Variants in SMAD6 observed in about 807,000 individuals in gnomAD.
The protein encoded by SMAD6 is SMAD family member 6, also known as MAD homolog 6.
In SMAD6, 103 loss-of-function variants were observed where a neutral mutation model predicts 39.4. The observed-to-expected ratio is 2.62, with a 90% confidence interval of 2.23 to 3.08. SMAD6 has a LOEUF of 3.08. Ranked by LOEUF, SMAD6 falls within the 30% of genes most tolerant of loss-of-function variation. The pLI is 0.00. For synonymous variants in SMAD6, 445 were observed against 353.3 expected (o/e 1.26, Z -2.91); for missense variants, 1,104 against 742.9 (o/e 1.49, Z -5.65).
chr15:66,709,349 A>G (rs940449121), intron 1 of SMAD6, among the ~76,000 whole-genome samples: 1 of 152,208 alleles, frequency 6.6e-6, no homozygotes, highest in Admixed American at 6.5e-5. Flanking sequence ...ATCTCACAAC[A>G]TTGGAACTCC....
In SMAD6 at chr15:66,751,497, C is replaced by T. The variant is rs527570182; in HGVS notation, c.953-29500C>T. Among the ~76,000 whole-genome samples the T allele has an allele frequency of 2.0e-5, 3 of 152,348 alleles. No individual in the cohort carries two copies. The East Asian group carries it at 5.8e-4, about 29-fold the overall frequency. The stretch of plus-strand genomic sequence containing the variant: ...CTGTGAGGTGGCACGCTGGGTGGGT[C>T]TATTGCTGCCTCTTCCACAATGGGA... On this transcript the variant is annotated intron_variant, in intron 3 of 3. Transcript: ENST00000288840.
At chr15:66,762,590 G>T (rs1894219608) in intron 3 of SMAD6, among the ~76,000 whole-genome samples, 1 of 152,140 alleles carries the variant, frequency 6.6e-6, no homozygotes. Context: ...CAGCAAGAAG[G>T]ACCTGCTGGA....
chr15:66,758,513 A>C (rs536789469), intron 3 of SMAD6, among the ~76,000 whole-genome samples: 3 of 152,318 alleles, frequency 2.0e-5, no homozygotes, highest in Admixed American at 2.0e-4. Context: ...GGATCATCTG[A>C]GGTCAGGAGT....
At chr15:66,764,132 T>C (rs1894251224) in intron 3 of SMAD6, among the ~76,000 whole-genome samples, 1 of 152,250 alleles carries the variant, frequency 6.6e-6, no homozygotes, top group Admixed American at 6.5e-5. Flanking sequence ...TACTGTAGAC[T>C]GTGATACTAA....
chr15:66,712,366 A>T (rs1249782913), intron 2 of SMAD6, among the ~76,000 whole-genome samples: 3 of 152,176 alleles, frequency 2.0e-5, no homozygotes, highest in African/African-American at 7.2e-5. Context: ...TGATCAGCCC[A>T]TATTCTGGGG....
intron 1 of SMAD6, among the ~76,000 whole-genome samples, chr15:66,710,219 T>C (rs1434433483): frequency 6.6e-6 from 1 of 152,200 alleles, no homozygotes; most frequent in African/African-American, 2.4e-5. Flanking sequence ...AAGGATTAAA[T>C]AAAAATAGGT....
At chr15:66,745,125 G>A (rs983049020) in intron 3 of SMAD6, among the ~76,000 whole-genome samples, 1 of 152,158 alleles carries the variant, frequency 6.6e-6, no homozygotes, top group African/African-American at 2.4e-5. Flanking sequence ...CTCCAAGGTG[G>A]CTGGTGGCAC....
At position 66,704,053 on chromosome 15, in the gene SMAD6, C is replaced by A; in HGVS notation, c.795C>A (p.His265Gln). The change falls in exon 1 of 4, where the codon CAC (histidine) becomes CAA (glutamine). Residue 265 changes from histidine (H) to glutamine (Q), a missense_variant. Physicochemically the swap from His to Gln is conservative, Grantham distance 24 (BLOSUM62 0). Transcript: ENST00000288840. ...CTACCGTGTGCTGCAACCCCTACCA[C>A]TTCAGCCGGCTCTGCGGGCCCGGTG... is the stretch of plus-strand genomic sequence containing the variant. ...DGPTVCCNPY[H>Q]FSRLCGPESP... The A allele has an allele frequency of 1.3e-6, 2 of 1,504,392 alleles. No individual in the cohort carries two copies. Among genetic ancestry groups the A allele is most frequent in the Non-Finnish European group, 1.8e-6 (2 of 1,135,352 alleles). 93.2% of individuals were successfully genotyped at this position (1,504,392 alleles called of 1,614,324 possible).
intron 3 of SMAD6, among the ~76,000 whole-genome samples, chr15:66,767,366 G>T (rs572648364): frequency 6.6e-6 from 1 of 152,230 alleles, no homozygotes; most frequent in African/African-American, 2.4e-5. Flanking sequence ...TGGGATAGAG[G>T]TGTGGGTCCT....
chr15:66,772,856 C>G (rs1199040221), intron 3 of SMAD6, among the ~76,000 whole-genome samples: 1 of 152,212 alleles, frequency 6.6e-6, no homozygotes, highest in Admixed American at 6.5e-5. Context: ...CTGTGTCGCT[C>G]ATTTCCACTG....
At chr15:66,711,771 G>A (rs766148369) in intron 2 of SMAD6, 47 bp downstream of exon 2, 2 of 1,483,452 alleles carry the variant, frequency 1.3e-6, no homozygotes, top group Non-Finnish European at 9.4e-7. Flanking sequence ...GTCCCGAACT[G>A]GGTCCTCTTC....
At chr15:66,751,921 C>T (rs1265116544) in intron 3 of SMAD6, among the ~76,000 whole-genome samples, 1 of 152,138 alleles carries the variant, frequency 6.6e-6, no homozygotes, top group Non-Finnish European at 1.5e-5. Flanking sequence ...GAATTGGAGT[C>T]GGGCCTTGGA....
intron 3 of SMAD6, among the ~76,000 whole-genome samples, chr15:66,718,692 C>G (rs1394657798): frequency 6.6e-6 from 1 of 152,196 alleles, no homozygotes; most frequent in Non-Finnish European, 1.5e-5. Context: ...CCAGCTTGCT[C>G]TGTGCTGTAG....
chr15:66,703,236 C>A lies in SMAD6; in HGVS notation c.-23C>A, dbSNP rs1219037804. 2 of 1,372,794 alleles carry A rather than the reference C, an allele frequency of 1.5e-6. No individual in the cohort carries two copies. The highest frequency in any genetic ancestry group is 3.1e-5 in the East Asian group (1 of 32,642). The allele number at this position is 1,372,794 out of a possible 1,614,324, so 85.0% of individuals were successfully genotyped here. A position where few individuals can be genotyped will look rare whatever the true frequency, so the allele number is the denominator to read the frequency against. On this transcript the variant is annotated 5_prime_UTR_variant, in exon 1 of 4. Coordinates refer to ENST00000288840, the MANE Select transcript of SMAD6 (RefSeq NM_005585.5). ...GTAACCGGAGACCGCCTCCCCCCCACCCCTGGCGCCAAAGGATATCGTATG... is the reference window on the plus strand; with the variant it reads ...GTAACCGGAGACCGCCTCCCCCCCAACCCTGGCGCCAAAGGATATCGTATG...
intron 3 of SMAD6, among the ~76,000 whole-genome samples, chr15:66,778,253 A>T (rs1328335826): frequency 2.0e-5 from 3 of 151,998 alleles, no homozygotes; most frequent in Admixed American, 6.6e-5. Context: ...CCTAATTTTT[A>T]AAAGTTTTTT....
intron 3 of SMAD6, among the ~76,000 whole-genome samples, chr15:66,751,116 C>T (rs1242195765): frequency 6.6e-6 from 1 of 152,156 alleles, no homozygotes; most frequent in Admixed American, 6.5e-5. Flanking sequence ...TGAGAACGCC[C>T]CGTGCCTGAG....
intron 1 of SMAD6, among the ~76,000 whole-genome samples, chr15:66,709,748 C>G (rs879568359): frequency 2.0e-5 from 3 of 152,196 alleles, no homozygotes; most frequent in Admixed American, 2.0e-4. Flanking sequence ...GAGGGAGTCA[C>G]TTCCACTCAC....
intron 3 of SMAD6, among the ~76,000 whole-genome samples, chr15:66,745,334 C>A (rs1489024161): frequency 6.6e-6 from 1 of 151,998 alleles, no homozygotes; most frequent in Admixed American, 6.5e-5. Flanking sequence ...TTTCACAGCA[C>A]CCCCACCCCA....
At position 66,781,412 on chromosome 15, in the gene SMAD6, C is replaced by CGGCCCCTACGACCCCAA; in HGVS notation, c.1369_1385dup (p.Asn462LysfsTer83). On this transcript the variant is annotated frameshift_variant, in exon 4 of 4. Transcript: ENST00000288840. LOFTEE classifies it high-confidence loss of function. Reference sequence around the variant, plus strand: ...ACGCGCCCGAGCCCGACGCCGCCGACGGCCCCTACGACCCCAACAGCGTCC... The same window carrying CGGCCCCTACGACCCCAA: ...ACGCGCCCGAGCCCGACGCCGCCGACGGCCCCTACGACCCCAAGGCCCCTACGACCCCAACAGCGTCC... The CGGCCCCTACGACCCCAA allele has an allele frequency of 6.2e-7, 1 of 1,604,018 alleles. No individual in the cohort carries two copies. The highest frequency in any genetic ancestry group is 1.7e-4 in the Middle Eastern group (1 of 6,058).
Sources: allele counts gnomAD v4.1 joint callset (sites outside exome capture counted in the v4.1 genomes callset), GRCh38; gene constraint gnomAD v4.1.1; transcripts MANE v1.5; gene names NCBI Gene and HGNC (gene_info 2026-07-23, HGNC 2026-07-21).